SEZ6L: variants seen among roughly 807,000 people sequenced by gnomAD.
The protein encoded by SEZ6L is seizure 6-like protein.
Under a neutral mutation model 106.2 loss-of-function variants are expected in SEZ6L, and 37 were observed. The ratio of observed to expected loss-of-function variants is 0.35; its 90% CI spans 0.27 to 0.46. The LOEUF (loss-of-function observed/expected upper bound fraction) is 0.46, where lower values mean the gene tolerates loss of function less well. SEZ6L is among the 20% of genes least tolerant of loss of function. SEZ6L has a pLI of 1.00. For synonymous variants in SEZ6L, 541 were observed against 570.4 expected, an observed-to-expected ratio of 0.95 and a Z score of 0.73; for missense variants, 1,172 against 1,332.8, an observed-to-expected ratio of 0.88 and a Z score of 1.88.
chr22:26,296,980 G>A lies in SEZ6L; in HGVS notation c.1062G>A (p.Leu354=), dbSNP rs778874304. 6 of 1,614,080 alleles carry A rather than the reference G, an allele frequency of 3.7e-6. No homozygotes were observed. In the South Asian group the frequency reaches 6.6e-5, roughly 18 times the overall value. Residue 354 remains leucine (L), a synonymous_variant, in exon 4 of 17, where the codon CTG becomes CTA. Coordinates refer to ENST00000248933, the MANE Select transcript of SEZ6L (RefSeq NM_021115.5). ...TLTVLANQTL[L]VEGQVIRSPT... ...CCGTCCTGGCCAACCAGACACTCCT[G>A]GTGGAGGGGCAGGTAATCCGAAGCC...
At chr22:26,241,049 G>A (rs1043820156) in intron 1 of SEZ6L, among the ~76,000 whole-genome samples, 1 of 152,180 alleles carries the variant, frequency 6.6e-6, no homozygotes, top group Non-Finnish European at 1.5e-5. Context: ...CTAGAGAAGA[G>A]TGTCCAGGCA....
chr22:26,253,820 G>GA (rs942319141), intron 1 of SEZ6L, among the ~76,000 whole-genome samples: 16 of 152,170 alleles, frequency 1.1e-4, no homozygotes, highest in Non-Finnish European at 2.1e-4. Flanking sequence ...AATTTTCATG[G>GA]AAAAAGTCAT....
At chr22:26,365,739 C>T (rs1004422766) in intron 13 of SEZ6L, among the ~76,000 whole-genome samples, 173 bp downstream of exon 13, 6 of 151,402 alleles carry the variant, frequency 4.0e-5, no homozygotes, top group Admixed American at 2.0e-4. Flanking sequence ...TCAGGCATGG[C>T]GGCACACACC....
chr22:26,375,177 A>T lies in SEZ6L; in HGVS notation c.2828-398A>T, dbSNP rs983306375. 2.6e-5 allele frequency among the ~76,000 whole-genome samples: 4 copies of T among 152,136 alleles called. No individual in the cohort carries two copies. The East Asian group carries it at 7.7e-4, about 29-fold the overall frequency. ...CACCACTCCTGCATCTGGGGTCCAG[A>T]CCCATTCCTGTTTCTCTTCTCCACT... On this transcript the variant is annotated intron_variant, in intron 14 of 16. Coordinates refer to ENST00000248933, the MANE Select transcript of SEZ6L (RefSeq NM_021115.5).
rs368078953 is a variant in SEZ6L at position 26,282,929 on chromosome 22, C to CT, written c.95-9468dup. On this transcript the variant is annotated intron_variant, in intron 1 of 16. Transcript: ENST00000248933. Reference sequence around the variant, plus strand: ...GGCTGAGCAATGAGCAATGCAATTTCTTTTTTTTTGAGTTGGAGTCTCTCC... The same window carrying CT: ...GGCTGAGCAATGAGCAATGCAATTTCTTTTTTTTTTGAGTTGGAGTCTCTCC... 4.2e-3 allele frequency among the ~76,000 whole-genome samples: 634 copies of CT among 151,326 alleles called. 2 individuals are homozygous for CT. The highest frequency in any genetic ancestry group is 0.014 in the African/African-American group (596 of 41,302).
chr22:26,368,100 G>T (rs2146065092), intron 13 of SEZ6L, among the ~76,000 whole-genome samples: 1 of 152,282 alleles, frequency 6.6e-6, no homozygotes, highest in South Asian at 2.1e-4. Context: ...CAGGCAAAAG[G>T]CTCGAATTTG....
At position 26,380,746 on chromosome 22, in the gene SEZ6L, C is replaced by CA. The variant is rs2084387565; in HGVS notation, c.*452dup. 6.3e-6 allele frequency: 1 copy of CA among 157,796 alleles called. No homozygotes were observed. Among genetic ancestry groups the CA allele is most frequent in the African/African-American group, 2.4e-5 (1 of 41,582 alleles). The allele number at this position is 157,796 out of a possible 1,614,324, so 9.8% of individuals were successfully genotyped here. The stretch of plus-strand genomic sequence containing the variant: ...TGGCTTAGTTTGGGTTGGAATTTAG[C>CA]ATGGGTACTTAAACCCATTTGGAGA... On this transcript the variant is annotated 3_prime_UTR_variant, in exon 17 of 17. Coordinates refer to ENST00000248933, the MANE Select transcript of SEZ6L (RefSeq NM_021115.5).
chr22:26,313,664 T>C (rs2081913653), intron 8 of SEZ6L, 100 bp from the exon 9 acceptor site: 1 of 1,419,680 alleles, frequency 7.0e-7, no homozygotes, highest in Non-Finnish European at 9.7e-7. Context: ...TACACAGAGA[T>C]TCACGGCTGT....
At position 26,228,346 on chromosome 22, in the gene SEZ6L, G is replaced by A. The variant is rs962654315; in HGVS notation, c.94+58583G>A. 2.4e-4 allele frequency among the ~76,000 whole-genome samples: 36 copies of A among 152,308 alleles called. 1 individual carries two copies. The Middle Eastern group carries it at 0.014, about 58-fold the overall frequency. On this transcript the variant is annotated intron_variant, in intron 1 of 16. Coordinates refer to ENST00000248933, the MANE Select transcript of SEZ6L (RefSeq NM_021115.5). ...TCAGAGTGGGGAAATGTGGTCGGGC[G>A]AGGTTAATGAAGGTGAGGGGCGGAG...
Position 26,349,636 on chromosome 22 carries a change from G to T in SEZ6L, c.2408-1416G>T, listed in dbSNP as rs180931736. 9.9e-5 allele frequency among the ~76,000 whole-genome samples: 15 copies of T among 152,234 alleles called. No homozygotes were observed. In the East Asian group the frequency reaches 2.3e-3, roughly 24 times the overall value. The stretch of plus-strand genomic sequence containing the variant: ...CCACCACAGCCCCCCAAAATGCTGG[G>T]GTTACAGATGTGAACAACCACACCC... On this transcript the variant is annotated intron_variant, in intron 11 of 16. Transcript: ENST00000248933.
chr22:26,340,767 T>C, intron 10 of SEZ6L, 135 bp downstream of exon 10: 1 of 746,114 alleles, frequency 1.3e-6, no homozygotes, highest in Non-Finnish European at 2.1e-6. Context: ...CTCATTTCAT[T>C]TTTAAAAGCC....
chr22:26,311,283 C>T (rs2081821866), intron 7 of SEZ6L, among the ~76,000 whole-genome samples: 2 of 152,192 alleles, frequency 1.3e-5, no homozygotes, highest in African/African-American at 4.8e-5. Context: ...TAGAATTTAG[C>T]CACTTCTTCC....
chr22:26,199,122 C>A (rs1050915871), intron 1 of SEZ6L, among the ~76,000 whole-genome samples: 2 of 152,148 alleles, frequency 1.3e-5, no homozygotes, highest in Non-Finnish European at 2.9e-5. Context: ...AAATTGAGGC[C>A]TAAAGAATGG....
intron 9 of SEZ6L, among the ~76,000 whole-genome samples, chr22:26,325,869 C>A (rs1190936399): frequency 6.6e-6 from 1 of 152,028 alleles, no homozygotes; most frequent in African/African-American, 2.4e-5. Flanking sequence ...GACGATTAAT[C>A]CCTTCCATGG....
intron 6 of SEZ6L, among the ~76,000 whole-genome samples, chr22:26,307,704 A>G (rs997933129): frequency 6.6e-6 from 1 of 152,166 alleles, no homozygotes; most frequent in Non-Finnish European, 1.5e-5. Flanking sequence ...GGAGACTCTG[A>G]AAATCTGGGC....
chr22:26,376,834 C>T (rs562049330), intron 15 of SEZ6L, among the ~76,000 whole-genome samples: 7 of 152,178 alleles, frequency 4.6e-5, no homozygotes, highest in Non-Finnish European at 7.3e-5. Context: ...GAGGCAGGAA[C>T]GTGACTAAAA....
At chr22:26,275,094 T>C (rs1477558896) in intron 1 of SEZ6L, among the ~76,000 whole-genome samples, 2 of 152,198 alleles carry the variant, frequency 1.3e-5, no homozygotes, top group Non-Finnish European at 2.9e-5. Flanking sequence ...GCCAAACCTT[T>C]TTTCAGACTG....
intron 1 of SEZ6L, among the ~76,000 whole-genome samples, chr22:26,210,784 G>A (rs1258687370): frequency 6.6e-6 from 1 of 152,158 alleles, no homozygotes; most frequent in East Asian, 1.9e-4. Context: ...TAGCCCACAT[G>A]CATTTTCGGG....
chr22:26,235,524 GCAC>G (rs1394175088), intron 1 of SEZ6L, among the ~76,000 whole-genome samples: 1 of 152,166 alleles, frequency 6.6e-6, no homozygotes, highest in Non-Finnish European at 1.5e-5. Flanking sequence ...TGATGGGGAA[GCAC>G]CGAGGCTGTG....
Sources: gnomAD v4.1 joint callset for allele counts (sites outside exome capture counted in the v4.1 genomes callset) on GRCh38, gnomAD v4.1.1 for gene constraint, MANE v1.5 for transcripts, NCBI Gene and HGNC (gene_info 2026-07-23, HGNC 2026-07-21) for gene names.